Variants in AGAP1 observed in about 807,000 individuals in gnomAD.
AGAP1 encodes ArfGAP with GTPase domain, ankyrin repeat and PH domain 1.
AGAP1 carries 29 observed loss-of-function variants against 105.3 expected under a neutral mutation model. The observed-to-expected ratio is 0.28, with a 90% CI of 0.21 to 0.38. AGAP1 has a LOEUF of 0.38. Among genes scored for constraint, AGAP1 ranks in the 10% least tolerant of loss-of-function variants. The pLI, the probability that AGAP1 is intolerant of heterozygous loss-of-function variation, is 1.00. For missense variants in AGAP1, 998 were observed against 1,165.1 expected (o/e 0.86, Z 2.09); for synonymous variants, 509 against 485.9 (o/e 1.05, Z -0.63).
At chr2:235,604,988 C>G (rs575234857) in intron 1 of AGAP1, among the ~76,000 whole-genome samples, 2 of 152,202 alleles carry the variant, frequency 1.3e-5, no homozygotes, top group East Asian at 3.9e-4. Flanking sequence ...TTAAGCGATT[C>G]TCGTGCCTCA....
In AGAP1 at chr2:235,789,426, A is replaced by G. The variant is rs1956843472; in HGVS notation, c.674-8333A>G. ...TCATTTCCAGCAAATTAACAACCCTAATAGGTAATTGCGACATAAATGAAG... is the reference window on the plus strand; with the variant it reads ...TCATTTCCAGCAAATTAACAACCCTGATAGGTAATTGCGACATAAATGAAG... On this transcript the variant is annotated intron_variant, in intron 6 of 17. Coordinates refer to ENST00000304032, the MANE Select transcript of AGAP1 (RefSeq NM_001037131.3). The surrounding 1 kb of genome is among the most constrained non-coding windows in gnomAD (Gnocchi z 4.2). 1.3e-5 allele frequency among the ~76,000 whole-genome samples: 2 copies of G among 152,176 alleles called. No homozygotes were observed. The highest frequency in any genetic ancestry group is 4.8e-5 in the African/African-American group (2 of 41,440).
chr2:235,671,168 T>C, intron 1 of AGAP1: 1 of 1,161,364 alleles, frequency 8.6e-7, no homozygotes, highest in South Asian at 4.2e-5. Context: ...GCACGTGGCC[T>C]CGAGGGATGC....
chr2:235,938,687 G>C (rs975794614), intron 12 of AGAP1, among the ~76,000 whole-genome samples: 2 of 152,164 alleles, frequency 1.3e-5, no homozygotes, highest in African/African-American at 4.8e-5. Context: ...GAGAGGTTCT[G>C]AATGTCTCAC....
intron 1 of AGAP1, among the ~76,000 whole-genome samples, chr2:235,687,633 A>G (rs1018347054): frequency 2.0e-5 from 3 of 152,228 alleles, no homozygotes; most frequent in East Asian, 1.9e-4. Context: ...GATGGCTTAC[A>G]TGACCTGATG....
chr2:236,094,807 G>A (rs947999888), intron 16 of AGAP1, among the ~76,000 whole-genome samples: 2 of 151,726 alleles, frequency 1.3e-5, no homozygotes, highest in Non-Finnish European at 1.5e-5. Context: ...AATTGATCTG[G>A]GCAACAGTGG....
rs761940407 is a variant in AGAP1, at chr2:235,578,010, G to C, written c.163+83161G>C. On this transcript the variant is annotated intron_variant, in intron 1 of 17. Coordinates refer to ENST00000304032, the MANE Select transcript of AGAP1 (RefSeq NM_001037131.3). The surrounding 1 kb of genome is among the most constrained non-coding windows in gnomAD (Gnocchi z 4.9). ...ACCATCCAGGTGCCTGCGTGTGCTG[G>C]TCCCGCCATCAGGACTTCCCCTCGT... Among the ~76,000 whole-genome samples the C allele has an allele frequency of 1.3e-5, 2 of 152,054 alleles. No individual in the cohort carries two copies. Among genetic ancestry groups the C allele is most frequent in the Admixed American group, 6.5e-5 (1 of 15,278 alleles).
At position 235,533,753 on chromosome 2, in the gene AGAP1, C is replaced by T. The variant is rs577897084; in HGVS notation, c.163+38904C>T. Among the ~76,000 whole-genome samples the T allele has an allele frequency of 4.6e-5, 7 of 152,244 alleles. No homozygotes were observed. The South Asian group carries it at 1.0e-3, about 23-fold the overall frequency. ...TCTCATGTGTGAGGAGCTGTTACTG[C>T]TCCTGTCGCCTGGTTTCACCCCTCG... is the stretch of plus-strand genomic sequence containing the variant. On this transcript the variant is annotated intron_variant, in intron 1 of 17. Coordinates refer to ENST00000304032, the MANE Select transcript of AGAP1 (RefSeq NM_001037131.3).
Position 236,002,208 on chromosome 2 carries a change from G to A in AGAP1, c.1645+33585G>A, listed in dbSNP as rs2056150819. On this transcript the variant is annotated intron_variant, in intron 13 of 17. Coordinates refer to ENST00000304032, the MANE Select transcript of AGAP1 (RefSeq NM_001037131.3). This position sits in a 1 kb window ranked among gnomAD's most constrained non-coding sequence, Gnocchi z 4.3. ...AGCAGACTCGTTGAGAACATGTGTG[G>A]TAGGCACGTGCTGGGCACTGAAAAT... is the stretch of plus-strand genomic sequence containing the variant. 6.6e-6 allele frequency among the ~76,000 whole-genome samples: 1 copy of A among 152,196 alleles called. No homozygotes were observed. Among genetic ancestry groups the A allele is most frequent in the South Asian group, 2.1e-4 (1 of 4,830 alleles).
chr2:235,975,673 A>G (rs1190807880), intron 13 of AGAP1, among the ~76,000 whole-genome samples: 2 of 152,116 alleles, frequency 1.3e-5, no homozygotes, highest in Non-Finnish European at 2.9e-5. Flanking sequence ...GGGCTTTCAC[A>G]TTGAATTCTG....
intron 13 of AGAP1, among the ~76,000 whole-genome samples, chr2:236,032,396 G>A (rs2057250128): frequency 6.6e-6 from 1 of 152,158 alleles, no homozygotes; most frequent in Non-Finnish European, 1.5e-5. Flanking sequence ...AGTCTTCAGG[G>A]TGATCAAGCA....
Position 235,494,697 on chromosome 2 carries a change from A to G in AGAP1, c.11A>G (p.Gln4Arg). 6.5e-7 allele frequency: 1 copy of G among 1,527,968 alleles called. No homozygotes were observed. The highest frequency in any genetic ancestry group is 1.2e-5 in the South Asian group (1 of 86,262). 94.7% of individuals were successfully genotyped at this position (1,527,968 alleles called of 1,614,324 possible). A position where few individuals can be genotyped will look rare whatever the true frequency, so the allele number is the denominator to read the frequency against. The change falls in exon 1 of 18, where the codon CAG (glutamine) becomes CGG (arginine). Residue 4 changes from glutamine to arginine, a missense_variant. Coordinates refer to ENST00000304032, the MANE Select transcript of AGAP1 (RefSeq NM_001037131.3). MNY[Q>R]QQLANSAAIR... is the part of the protein sequence containing the mutation. ...CGCGGCGCCTGCACCATGAACTACC[A>G]GCAGCAGCTGGCCAACTCGGCTGCC... is the stretch of plus-strand genomic sequence containing the variant.
At chr2:235,771,055 C>G (rs1267305381) in intron 6 of AGAP1, among the ~76,000 whole-genome samples, 1 of 152,144 alleles carries the variant, frequency 6.6e-6, no homozygotes, top group Admixed American at 6.5e-5. Flanking sequence ...ACTAACATGG[C>G]CCAGGAGTGC....
intron 1 of AGAP1, among the ~76,000 whole-genome samples, chr2:235,613,480 ATATC>A (rs1439369732): frequency 1.3e-5 from 2 of 152,310 alleles, no homozygotes; most frequent in Admixed American, 6.5e-5. Flanking sequence ...GAGAAGACTT[ATATC>A]TTTTTGAGCA....
rs900356855 is a variant in AGAP1, at chr2:236,113,228, C to T, written c.2115-6964C>T. 1.3e-5 allele frequency among the ~76,000 whole-genome samples: 2 copies of T among 152,102 alleles called. No individual in the cohort carries two copies. The highest frequency in any genetic ancestry group is 1.3e-4 in the Admixed American group (2 of 15,280). On this transcript the variant is annotated intron_variant, in intron 16 of 17. Coordinates refer to ENST00000304032, the MANE Select transcript of AGAP1 (RefSeq NM_001037131.3). This position sits in a 1 kb window ranked among gnomAD's most constrained non-coding sequence, Gnocchi z 4.3. ...CAATCTCAACTCACTGCAACCTCCG[C>T]CTCCCGGGTTCAAGCAATTCTCTGC...
chr2:235,954,188 G>A (rs148164590), intron 12 of AGAP1, among the ~76,000 whole-genome samples: 26 of 151,268 alleles, frequency 1.7e-4, no homozygotes, highest in African/African-American at 4.6e-4. Context: ...GCGGTGAGCC[G>A]AGGTCACGCC....
At chr2:235,937,883 C>A (rs991414142) in intron 12 of AGAP1, among the ~76,000 whole-genome samples, 1 of 152,238 alleles carries the variant, frequency 6.6e-6, no homozygotes, top group East Asian at 1.9e-4. Context: ...AGCGGTGCCA[C>A]GGTCAGGAAG....
intron 13 of AGAP1, among the ~76,000 whole-genome samples, chr2:236,004,464 G>A (rs536443080): frequency 2.6e-5 from 4 of 152,142 alleles, no homozygotes; most frequent in African/African-American, 4.8e-5. Flanking sequence ...TCAAGCATAC[G>A]TTGTAATCTG....
intron 1 of AGAP1, among the ~76,000 whole-genome samples, chr2:235,617,812 TA>T (rs1946355536): frequency 6.6e-6 from 1 of 152,234 alleles, no homozygotes; most frequent in African/African-American, 2.4e-5. Context: ...TTTTTGTTTT[TA>T]AAAACACTCC....
intron 1 of AGAP1, among the ~76,000 whole-genome samples, chr2:235,567,449 G>T (rs1252881638): frequency 6.6e-6 from 1 of 152,156 alleles, no homozygotes; most frequent in East Asian, 1.9e-4. Flanking sequence ...GCAAGCCCCA[G>T]TCACTGTCCC....
Sources: gnomAD v4.1 joint callset for allele counts (sites outside exome capture counted in the v4.1 genomes callset) on GRCh38, gnomAD v4.1.1 for gene constraint, Gnocchi (gnomAD v3.1) non-coding constraint, MANE v1.5 for transcripts, NCBI Gene and HGNC (gene_info 2026-07-23, HGNC 2026-07-21) for gene names.